ANK2: variants seen among roughly 807,000 people sequenced by gnomAD.
ANK2 encodes ankyrin-2.
In ANK2, 83 loss-of-function variants were observed where a neutral mutation model predicts 360.5. The observed-to-expected ratio is 0.23, with a 90% CI of 0.19 to 0.28. The LOEUF is 0.28. Ranked by LOEUF, ANK2 falls within the 10% of genes least tolerant of loss-of-function variation. The pLI is 1.00. For missense variants in ANK2, 4,201 were observed against 4,795.7 expected, an observed-to-expected ratio of 0.88 and a Z score of 3.66; for synonymous variants, 1,740 against 1,759.5, an observed-to-expected ratio of 0.99 and a Z score of 0.28.
chr4:113,356,945 G>T lies in ANK2; in HGVS notation c.8327G>T (p.Gly2776Val), dbSNP rs772706757. Residue 2776 changes from glycine to valine, a missense_variant, in exon 38 of 46, where the codon GGA (glycine) becomes GTA (valine). By Grantham distance (109) the Gly-to-Val change is moderately radical. Transcript: ENST00000357077. ...CAGCCAAAAATCTGTGATGGCCATG[G>T]ATGTGAGGCCATGAGTCCTAGCAGC... is the stretch of plus-strand genomic sequence containing the variant. ...TDQPKICDGHGCEAMSPSSSA... is the reference protein window; with the variant it reads ...TDQPKICDGHVCEAMSPSSSA... The T allele has an allele frequency of 8.1e-6, 13 of 1,613,918 alleles. No individual in the cohort carries two copies. The South Asian group carries it at 1.4e-4, about 18-fold the overall frequency.
chr4:113,026,031 G>T (rs1490677277), intron 2 of ANK2, among the ~76,000 whole-genome samples: 3 of 152,062 alleles, frequency 2.0e-5, no homozygotes, highest in Non-Finnish European at 2.9e-5. Flanking sequence ...TGCTTTCTTG[G>T]TCATTTTGCA....
At chr4:113,233,104 C>CTTTTTTTTTTTTTTTTTTTTTTTTTTTTT (rs1563056547) in intron 5 of ANK2, among the ~76,000 whole-genome samples, 1 of 29,296 alleles carries the variant, frequency 3.4e-5, no homozygotes, top group African/African-American at 1.4e-4. Flanking sequence ...CTTGGCTTTT[C>CTTTTTTTTTTTTTTTTTTTTTTTTTTTTT]TGTTTTTTTT....
chr4:112,856,433 A>G (rs1233868368), intron 1 of ANK2, among the ~76,000 whole-genome samples: 1 of 152,220 alleles, frequency 6.6e-6, no homozygotes, highest in East Asian at 1.9e-4. Context: ...TAATTTTTTA[A>G]AAGTGTATTA....
chr4:113,182,160 A>G (rs779850772), intron 2 of ANK2, among the ~76,000 whole-genome samples: 2 of 152,172 alleles, frequency 1.3e-5, no homozygotes, highest in Non-Finnish European at 2.9e-5. Context: ...GGATGAAGGC[A>G]AAAGAGGAAT....
At position 112,994,585 on chromosome 4, in the gene ANK2, C is replaced by T. The variant is rs61641198; in HGVS notation, c.21+90071C>T. On this transcript the variant is annotated intron_variant, in intron 2 of 30. Transcript: ENST00000503271. ...AAAAAATTCACTGTGGTATAGACAT[C>T]GGGCTTTTGGATTTTTAAAAAATTT... Among the ~76,000 whole-genome samples the T allele has an allele frequency of 0.015, 2,311 of 152,158 alleles. 166 individuals carry two copies. The East Asian group carries it at 0.24, about 16-fold the overall frequency.
At chr4:112,971,828 G>A (rs1019183407) in intron 2 of ANK2, among the ~76,000 whole-genome samples, 16 of 152,258 alleles carry the variant, frequency 1.1e-4, no homozygotes, top group East Asian at 1.9e-4. Flanking sequence ...TTTCCTCAAC[G>A]TACCCTATGA....
chr4:112,818,905 A>G (rs1041273281), intron 1 of ANK2, among the ~76,000 whole-genome samples: 2 of 152,178 alleles, frequency 1.3e-5, no homozygotes, highest in Non-Finnish European at 2.9e-5. Flanking sequence ...CAGCTAGTGA[A>G]TTGTCTTTCC....
chr4:113,034,823 T>G (rs2061231284), intron 2 of ANK2: 1 of 151,978 alleles, frequency 6.6e-6, no homozygotes, highest in South Asian at 2.1e-4. Flanking sequence ...AAACAACAGT[T>G]TAGACATTAT....
chr4:113,381,454 C>T lies in ANK2; in HGVS notation c.11860-3C>T. On this transcript the variant is annotated splice_polypyrimidine_tract_variant and splice_region_variant and intron_variant, in intron 45 of 45. Transcript: ENST00000357077. ...TAATTCTCTCTTGTCTGCTTTTCTC[C>T]AGGACAACAATGAGTAAAGCCATCA... The T allele has an allele frequency of 6.2e-7, 1 of 1,614,098 alleles. No homozygotes were observed. The highest frequency in any genetic ancestry group is 8.5e-7 in the Non-Finnish European group (1 of 1,179,998).
the ANK2 span, among the ~76,000 whole-genome samples, chr4:112,799,877 T>A: frequency 6.7e-6 from 1 of 150,230 alleles, no homozygotes; most frequent in Non-Finnish European, 1.5e-5. Flanking sequence ...AGCAGTAGAT[T>A]AATCCTTAAT....
chr4:113,130,457 A>G (rs767848320), intron 1 of ANK2, among the ~76,000 whole-genome samples: 1 of 152,186 alleles, frequency 6.6e-6, no homozygotes, highest in African/African-American at 2.4e-5. Flanking sequence ...TCAAATGTAT[A>G]ATGATACTGC....
At chr4:113,258,259 C>A in intron 12 of ANK2, 54 bp from the exon 13 acceptor site, 1 of 1,590,732 alleles carries the variant, frequency 6.3e-7, no homozygotes, top group Non-Finnish European at 8.6e-7. Flanking sequence ...TCTGAAGAAG[C>A]CCCAAAGCCC....
the ANK2 span, among the ~76,000 whole-genome samples, chr4:112,720,314 G>T: frequency 2.6e-5 from 4 of 152,064 alleles, no homozygotes; most frequent in African/African-American, 7.2e-5. Flanking sequence ...TTTATGTCTT[G>T]TGGGTCCTTC....
intron 2 of ANK2, among the ~76,000 whole-genome samples, chr4:112,922,850 C>T (rs2091847879): frequency 6.6e-6 from 1 of 152,040 alleles, no homozygotes; most frequent in South Asian, 2.1e-4. Context: ...CTAGCAAAAC[C>T]CAAGCTACAG....
In ANK2 at chr4:113,162,053, C is replaced by CTGTGTG. The variant is rs1395368344; in HGVS notation, c.85-12358_85-12357insGTGTGT. ...CAAGTTCAATCCGGTCAAAACCAAA[C>CTGTGTG]TGTGTTCTTCTCTCCAATTTTAGGG... is the stretch of plus-strand genomic sequence containing the variant. On this transcript the variant is annotated intron_variant, in intron 1 of 45. Coordinates refer to ENST00000357077, the MANE Select transcript of ANK2 (RefSeq NM_001148.6). Among the ~76,000 whole-genome samples the CTGTGTG allele has an allele frequency of 4.6e-5, 7 of 152,302 alleles. No homozygotes were observed. In the East Asian group the frequency reaches 1.3e-3, roughly 29 times the overall value.
upstream of ANK2, among the ~76,000 whole-genome samples, chr4:113,045,462 T>C (rs1200479883): frequency 1.3e-5 from 2 of 152,318 alleles, no homozygotes; most frequent in South Asian, 4.1e-4. Context: ...AAGCTCTATA[T>C]CTTATTAACT....
intron 1 of ANK2, among the ~76,000 whole-genome samples, chr4:113,171,473 A>G (rs1250778676): frequency 6.6e-6 from 1 of 152,122 alleles, no homozygotes; most frequent in Non-Finnish European, 1.5e-5. Context: ...CTGTCTTTGG[A>G]ATTTACATTC....
chr4:113,072,742 ATTTTTTTTTTT>A (rs34098456), intron 1 of ANK2, among the ~76,000 whole-genome samples: 2 of 74,220 alleles, frequency 2.7e-5, no homozygotes, highest in South Asian at 1.0e-3. Context: ...ACTTGGCATA[ATTTTTTTTTTT>A]TTTTTTTTTT....
intron 34 of ANK2, 24 bp downstream of exon 34, chr4:113,343,166 G>A (rs1193271293): frequency 6.2e-7 from 1 of 1,610,606 alleles, no homozygotes; most frequent in African/African-American, 1.3e-5. Context: ...GGAATTTTGT[G>A]ATGCATTTTT....
Sources: allele counts gnomAD v4.1 joint callset (sites outside exome capture counted in the v4.1 genomes callset), GRCh38; gene constraint gnomAD v4.1.1; transcripts MANE v1.5; gene names NCBI Gene and HGNC (gene_info 2026-07-23, HGNC 2026-07-21).